The following COL5A2 variants were observed in gnomAD, a reference collection of about 807,000 sequenced individuals.
COL5A2 encodes collagen alpha-2(V) chain.
Under a neutral mutation model 208.2 loss-of-function variants are expected in COL5A2, and 23 were observed. The ratio of observed to expected loss-of-function variants is 0.11; its 90% CI spans 0.08 to 0.16. COL5A2 has a LOEUF of 0.16. COL5A2 is among the 10% of genes least tolerant of loss of function. The pLI is 1.00. For synonymous variants in COL5A2, 625 were observed against 628.5 expected, an observed-to-expected ratio of 0.99 and a Z score of 0.08; for missense variants, 1,590 against 1,956.4, an observed-to-expected ratio of 0.81 and a Z score of 3.53.
At position 189,174,068 on chromosome 2, in the gene COL5A2, A is replaced by G. The variant is rs148999751; in HGVS notation, c.97+5440T>C. Among the ~76,000 whole-genome samples, 61 of 152,350 alleles carry G rather than the reference A, an allele frequency of 4.0e-4. 1 individual carries two copies. The highest frequency in any genetic ancestry group is 1.5e-3 in the African/African-American group (61 of 41,590). On this transcript the variant is annotated intron_variant, in intron 1 of 53. Transcript: ENST00000374866. Reference sequence around the variant, plus strand: ...CATTCTTCAAACCAGAGAAAACTGTATGATTTTTAAAAACTACATTCTGTG... The same window carrying G: ...CATTCTTCAAACCAGAGAAAACTGTGTGATTTTTAAAAACTACATTCTGTG...
At chr2:189,314,142 T>C in the COL5A2 span, among the ~76,000 whole-genome samples, 1 of 152,154 alleles carries the variant, frequency 6.6e-6, no homozygotes, top group Non-Finnish European at 1.5e-5. Flanking sequence ...AAAATATACA[T>C]TATTCTCATT....
the COL5A2 span, among the ~76,000 whole-genome samples, chr2:189,273,689 T>C: frequency 6.6e-6 from 1 of 152,040 alleles, no homozygotes; most frequent in South Asian, 2.1e-4. Context: ...GAGAAGAGAA[T>C]CCTGTCATTT....
In COL5A2 at chr2:189,035,744, G is replaced by A. The variant is rs972543251; in HGVS notation, c.4114-589C>T. On this transcript the variant is annotated intron_variant, in intron 52 of 53. Transcript: ENST00000374866. ...ATTTTGTGCTCATTAAATAATGACAGATACTAGCTTATCTTGTATACACCC... is the reference window on the plus strand; with the variant it reads ...ATTTTGTGCTCATTAAATAATGACAAATACTAGCTTATCTTGTATACACCC... Among the ~76,000 whole-genome samples, 4 of 152,090 alleles carry A rather than the reference G, an allele frequency of 2.6e-5. No individual in the cohort carries two copies. The East Asian group carries it at 7.7e-4, about 29-fold the overall frequency.
the COL5A2 span, among the ~76,000 whole-genome samples, chr2:189,356,723 A>G: frequency 6.6e-6 from 1 of 152,262 alleles, no homozygotes; most frequent in African/African-American, 2.4e-5. Flanking sequence ...CACCTTCTGA[A>G]GCCTACTTCT....
the COL5A2 span, among the ~76,000 whole-genome samples, chr2:189,308,531 C>G: frequency 6.6e-6 from 1 of 152,134 alleles, no homozygotes; most frequent in Admixed American, 6.5e-5. Context: ...CCTGTCTAGG[C>G]CTTTTCCTTG....
chr2:189,063,958 G>A lies in COL5A2; in HGVS notation c.1770+22C>T, dbSNP rs112589521. 1.5e-4 allele frequency: 235 copies of A among 1,595,622 alleles called. 1 individual carries two copies. In the African/African-American group the frequency reaches 2.4e-3, roughly 16 times the overall value. On this transcript the variant is annotated intron_variant, in intron 26 of 53. Coordinates refer to ENST00000374866, the MANE Select transcript of COL5A2 (RefSeq NM_000393.5). ...CTGTTGAAAAATATTAGTGGTTGTG[G>A]ACTTCTGTTTAAATTACTTACCAAA...
chr2:189,224,534 C>A (rs1450393976), intron 1 of COL5A2, among the ~76,000 whole-genome samples: 2 of 151,588 alleles, frequency 1.3e-5, no homozygotes, highest in African/African-American at 4.8e-5. Context: ...ACTAAAAATA[C>A]AAAAATTAGC....
At chr2:189,234,000 T>A in the COL5A2 span, among the ~76,000 whole-genome samples, 1 of 151,728 alleles carries the variant, frequency 6.6e-6, no homozygotes, top group African/African-American at 2.4e-5. Context: ...TCTTATCTAT[T>A]TTCTTTGTTT....
the COL5A2 span, among the ~76,000 whole-genome samples, chr2:189,372,995 T>TA: frequency 4.6e-5 from 7 of 152,178 alleles, no homozygotes; most frequent in African/African-American, 7.2e-5. Flanking sequence ...GCCAGTCAAT[T>TA]AGTAGCAAAT....
the COL5A2 span, among the ~76,000 whole-genome samples, chr2:189,289,260 G>C: frequency 6.6e-6 from 1 of 152,130 alleles, no homozygotes; most frequent in East Asian, 1.9e-4. Context: ...AGAATCGCCT[G>C]AACCTGGGAG....
At chr2:189,434,101 C>T in the COL5A2 span, among the ~76,000 whole-genome samples, 1 of 151,972 alleles carries the variant, frequency 6.6e-6, no homozygotes, top group Non-Finnish European at 1.5e-5. Flanking sequence ...TCAATAGACG[C>T]AGAAAAGGCC....
the COL5A2 span, among the ~76,000 whole-genome samples, chr2:189,428,977 GAT>G: frequency 6.6e-6 from 1 of 152,132 alleles, no homozygotes; most frequent in African/African-American, 2.4e-5. Context: ...TTGTTAGGGA[GAT>G]TTTGGTCAAA....
At chr2:189,231,934 G>A in the COL5A2 span, among the ~76,000 whole-genome samples, 1 of 151,618 alleles carries the variant, frequency 6.6e-6, no homozygotes, top group Non-Finnish European at 1.5e-5. Flanking sequence ...GGAATTCAGA[G>A]GGTGACACAG....
chr2:189,270,924 A>T, the COL5A2 span, among the ~76,000 whole-genome samples: 1 of 152,162 alleles, frequency 6.6e-6, no homozygotes, highest in East Asian at 1.9e-4. Context: ...AAAGAGAATA[A>T]AATACCTAGG....
chr2:189,197,335 T>A (rs553514540), intron 1 of COL5A2, among the ~76,000 whole-genome samples: 2 of 152,218 alleles, frequency 1.3e-5, no homozygotes, highest in South Asian at 4.2e-4. Context: ...CTAATGCATG[T>A]GGGGCTTAAA....
chr2:189,324,458 C>A, the COL5A2 span, among the ~76,000 whole-genome samples: 1 of 152,124 alleles, frequency 6.6e-6, no homozygotes, highest in Non-Finnish European at 1.5e-5. Context: ...AGAACTCAAA[C>A]AAATTTACAA....
At chr2:189,255,323 T>C in the COL5A2 span, among the ~76,000 whole-genome samples, 1 of 152,226 alleles carries the variant, frequency 6.6e-6, no homozygotes, top group African/African-American at 2.4e-5. Context: ...ATTTGTGTAG[T>C]CATTCAACAT....
chr2:189,329,046 T>C, the COL5A2 span, among the ~76,000 whole-genome samples: 1 of 152,152 alleles, frequency 6.6e-6, no homozygotes, highest in Non-Finnish European at 1.5e-5. Flanking sequence ...GCAGCATTAC[T>C]CACCACAGCT....
chr2:189,342,197 C>CT, the COL5A2 span, among the ~76,000 whole-genome samples: 515 of 135,508 alleles, frequency 3.8e-3, 3 homozygotes, highest in African/African-American at 7.5e-3. Flanking sequence ...CTAGTGTGCT[C>CT]TTTTTTTTTT....
Sources: allele counts gnomAD v4.1 joint callset (sites outside exome capture counted in the v4.1 genomes callset), GRCh38; gene constraint gnomAD v4.1.1; transcripts MANE v1.5; gene names NCBI Gene and HGNC (gene_info 2026-07-23, HGNC 2026-07-21).